Variants in MINDY3 observed in about 807,000 individuals in gnomAD.
MINDY3 encodes MINDY lysine 48 deubiquitinase 3.
A neutral mutation model predicts 69.2 loss-of-function variants in MINDY3; 38 were observed. That is an observed-to-expected ratio of 0.55 (90% CI 0.42 to 0.72). MINDY3 has a LOEUF of 0.72. Among genes scored for constraint, MINDY3 ranks in the 30% least tolerant of loss-of-function variants. The pLI, the probability that MINDY3 is intolerant of heterozygous loss-of-function variation, is 0.00. For synonymous variants in MINDY3, 192 were observed against 180.1 expected, an observed-to-expected ratio of 1.07 and a Z score of -0.53; for missense variants, 522 against 519.0, an observed-to-expected ratio of 1.01 and a Z score of -0.06.
chr10:15,856,920 T>TTATCTGC (rs1158289320), intron 1 of MINDY3, among the ~76,000 whole-genome samples: 2 of 152,154 alleles, frequency 1.3e-5, no homozygotes, highest in African/African-American at 4.8e-5. Flanking sequence ...ACTGCTGCCA[T>TTATCTGC]TGTCTCTTAT....
intron 11 of MINDY3, among the ~76,000 whole-genome samples, chr10:15,794,097 A>G (rs990712212): frequency 6.6e-6 from 1 of 152,086 alleles, no homozygotes; most frequent in Non-Finnish European, 1.5e-5. Context: ...AGTGAGATAA[A>G]GATATAAAAA....
At chr10:15,857,909 T>C (rs923229347) in intron 1 of MINDY3, 1 of 977,154 alleles carries the variant, frequency 1.0e-6, no homozygotes, top group Non-Finnish European at 1.2e-6. Flanking sequence ...CTTACATCTG[T>C]ATCTTGCTTC....
At chr10:15,856,112 T>A (rs1451397478) in intron 1 of MINDY3, among the ~76,000 whole-genome samples, 1 of 152,050 alleles carries the variant, frequency 6.6e-6, no homozygotes, top group Non-Finnish European at 1.5e-5. Flanking sequence ...AACGATGTGA[T>A]CCACAGTATT....
intron 1 of MINDY3, among the ~76,000 whole-genome samples, chr10:15,848,913 C>T (rs1220618739): frequency 2.0e-5 from 3 of 152,052 alleles, no homozygotes; most frequent in Non-Finnish European, 2.9e-5. Context: ...CTATAAATTC[C>T]ATTAATTGTT....
At chr10:15,859,162 C>T (rs1834906345) in intron 1 of MINDY3, among the ~76,000 whole-genome samples, 1 of 152,038 alleles carries the variant, frequency 6.6e-6, no homozygotes, top group African/African-American at 2.4e-5. Flanking sequence ...GTAATTTTAC[C>T]AGCTCTTAAA....
At chr10:15,784,377 C>A (rs1175535783) in intron 13 of MINDY3, among the ~76,000 whole-genome samples, 1 of 152,130 alleles carries the variant, frequency 6.6e-6, no homozygotes, top group East Asian at 1.9e-4. Flanking sequence ...GTAAAGATTA[C>A]CGAAGTTAAA....
intron 10 of MINDY3, among the ~76,000 whole-genome samples, chr10:15,813,780 C>CTT (rs1311956803): frequency 0.012 from 1,817 of 152,042 alleles, 35 homozygotes; most frequent in African/African-American, 0.037. Context: ...TTACAGACTG[C>CTT]CTTAAAAATT....
At chr10:15,851,261 A>G (rs1834274876) in intron 1 of MINDY3, among the ~76,000 whole-genome samples, 1 of 151,780 alleles carries the variant, frequency 6.6e-6, no homozygotes, top group Non-Finnish European at 1.5e-5. Flanking sequence ...AATCTCATCT[A>G]CTCCCAGACA....
At chr10:15,823,200 T>A (rs557294187) in intron 8 of MINDY3, among the ~76,000 whole-genome samples, 1 of 152,310 alleles carries the variant, frequency 6.6e-6, no homozygotes, top group South Asian at 2.1e-4. Flanking sequence ...TGCATATACA[T>A]ACAGTTTATA....
chr10:15,803,267 C>T (rs1020474119), intron 10 of MINDY3, among the ~76,000 whole-genome samples: 3 of 151,962 alleles, frequency 2.0e-5, no homozygotes, highest in African/African-American at 7.2e-5. Flanking sequence ...CTAATTTTTG[C>T]CGATTTATTT....
chr10:15,830,353 TCTAA>T (rs1840373207), intron 8 of MINDY3, among the ~76,000 whole-genome samples: 1 of 152,162 alleles, frequency 6.6e-6, no homozygotes, highest in Non-Finnish European at 1.5e-5. Flanking sequence ...CTCACCTCAT[TCTAA>T]CTATCCTGTG....
At chr10:15,856,818 T>G (rs1446461487) in intron 1 of MINDY3, among the ~76,000 whole-genome samples, 1 of 152,186 alleles carries the variant, frequency 6.6e-6, no homozygotes, top group Non-Finnish European at 1.5e-5. Context: ...CTGATTCTTA[T>G]TTTGGTTCTG....
chr10:15,820,332 G>C (rs1839671516), intron 9 of MINDY3, among the ~76,000 whole-genome samples: 1 of 152,104 alleles, frequency 6.6e-6, no homozygotes, highest in Non-Finnish European at 1.5e-5. Flanking sequence ...AGTAGAGAAA[G>C]CAACGCAACT....
At chr10:15,793,938 G>C (rs777053400) in intron 11 of MINDY3, among the ~76,000 whole-genome samples, 4 of 152,000 alleles carry the variant, frequency 2.6e-5, no homozygotes, top group Non-Finnish European at 5.9e-5. Context: ...TGGAAGATGT[G>C]GTCTCATAGA....
intron 1 of MINDY3, 143 bp downstream of exon 1, chr10:15,860,063 T>C: frequency 1.5e-6 from 1 of 654,576 alleles, no homozygotes; most frequent in East Asian, 2.7e-5. Flanking sequence ...AGGGCGTGTC[T>C]AGAAAGTCCA....
At chr10:15,856,658 A>G (rs1435644471) in intron 1 of MINDY3, among the ~76,000 whole-genome samples, 1 of 152,210 alleles carries the variant, frequency 6.6e-6, no homozygotes, top group African/African-American at 2.4e-5. Flanking sequence ...CAATACCATT[A>G]ATGAGCTGAG....
chr10:15,820,222 T>C (rs537325081), intron 9 of MINDY3, among the ~76,000 whole-genome samples: 1 of 152,216 alleles, frequency 6.6e-6, no homozygotes, highest in East Asian at 1.9e-4. Context: ...GAGCCATCCA[T>C]CTCAAGAGCT....
chr10:15,809,730 T>C (rs1838871751), intron 10 of MINDY3, among the ~76,000 whole-genome samples: 1 of 152,074 alleles, frequency 6.6e-6, no homozygotes, highest in African/African-American at 2.4e-5. Context: ...ATATTCTCCC[T>C]CAGTAGTAAC....
chr10:15,835,815 C>T (rs957039118), intron 6 of MINDY3, among the ~76,000 whole-genome samples: 2 of 152,032 alleles, frequency 1.3e-5, no homozygotes, highest in Non-Finnish European at 2.9e-5. Flanking sequence ...TATTTATTTA[C>T]ATTTCTAAAT....
Sources: allele counts gnomAD v4.1 joint callset (sites outside exome capture counted in the v4.1 genomes callset), GRCh38; gene constraint gnomAD v4.1.1; transcripts MANE v1.5; gene names NCBI Gene and HGNC (gene_info 2026-07-23, HGNC 2026-07-21).